The following TMEM221 variants were observed in gnomAD, a reference collection of about 807,000 sequenced individuals.
TMEM221 encodes the protein transmembrane protein 221, also known as Putative transmembrane protein ENSP00000342162.
A neutral mutation model predicts 10.2 loss-of-function variants in TMEM221; 11 were observed. The ratio of observed to expected loss-of-function variants is 1.08; its 90% CI spans 0.68 to 1.79. The LOEUF is 1.79. Among genes scored for constraint, TMEM221 ranks in the 40% most tolerant of loss-of-function variants. TMEM221 has a pLI of 0.00. For missense variants in TMEM221, 382 were observed against 417.7 expected (o/e 0.91, Z 0.75); for synonymous variants, 172 against 199.8 (o/e 0.86, Z 1.18).
At chr19:17,446,519 A>G (rs889862739) in intron 1 of TMEM221, among the ~76,000 whole-genome samples, 4 of 152,076 alleles carry the variant, frequency 2.6e-5, no homozygotes, top group Admixed American at 6.6e-5. Context: ...GTATAATGAA[A>G]GTGGACGCCT....
chr19:17,437,338 T>G (rs1031631175), intron 2 of TMEM221, among the ~76,000 whole-genome samples: 2 of 152,160 alleles, frequency 1.3e-5, no homozygotes, highest in African/African-American at 2.4e-5. Flanking sequence ...CAGCAGTTTT[T>G]GGGAGAGCTG....
chr19:17,436,989 G>A, intron 2 of TMEM221, 62 bp from the exon 3 acceptor site: 1 of 1,282,998 alleles, frequency 7.8e-7, no homozygotes, highest in Non-Finnish European at 1.0e-6. Context: ...AAGCCCTCAG[G>A]GAGTTCTTGC....
chr19:17,436,315 G>A lies in TMEM221; in HGVS notation c.*143C>T, dbSNP rs1437411723. The A allele has an allele frequency of 2.5e-6, 2 of 804,768 alleles. No homozygotes were observed. The highest frequency in any genetic ancestry group is 3.7e-6 in the Non-Finnish European group (2 of 539,564). The allele number at this position is 804,768 out of a possible 1,614,324, so 49.9% of individuals were successfully genotyped here. A position where few individuals can be genotyped will look rare whatever the true frequency, so the allele number is the denominator to read the frequency against. On this transcript the variant is annotated 3_prime_UTR_variant, in exon 3 of 3. Coordinates refer to ENST00000341130, the MANE Select transcript of TMEM221 (RefSeq NM_001190844.2). ...GCTGGAGCTCTGGCAATTATTTTGT[G>A]CCACGAGGCAACCTTGAGGACAAAA...
chr19:17,442,935 A>G (rs2074937661), intron 2 of TMEM221, among the ~76,000 whole-genome samples: 1 of 152,036 alleles, frequency 6.6e-6, no homozygotes, highest in South Asian at 2.1e-4. Context: ...ATAAATTCCC[A>G]CAGTGAGCCT....
At chr19:17,441,809 T>C (rs2074933069) in intron 2 of TMEM221, among the ~76,000 whole-genome samples, 1 of 150,652 alleles carries the variant, frequency 6.6e-6, no homozygotes, top group South Asian at 2.1e-4. Flanking sequence ...ATGTCCCACA[T>C]GTGAAAGCAA....
In TMEM221 at chr19:17,441,770, T is replaced by C. The variant is rs901996866; in HGVS notation, c.406+3429A>G. 1.2e-4 allele frequency among the ~76,000 whole-genome samples: 19 copies of C among 152,118 alleles called. No homozygotes were observed. In the East Asian group the frequency reaches 3.7e-3, roughly 29 times the overall value. On this transcript the variant is annotated intron_variant, in intron 2 of 2. Transcript: ENST00000341130. Reference sequence around the variant, plus strand: ...TTATACGCGTTCTCTGGCTCTGTACTATTGCTTTGGAAGATATCACACTGC... The same window carrying C: ...TTATACGCGTTCTCTGGCTCTGTACCATTGCTTTGGAAGATATCACACTGC...
intron 2 of TMEM221, among the ~76,000 whole-genome samples, chr19:17,439,494 C>T (rs1009881667): frequency 6.6e-6 from 1 of 151,700 alleles, no homozygotes; most frequent in Non-Finnish European, 1.5e-5. Flanking sequence ...TGGAGACCAG[C>T]CTGGCCAACA....
chr19:17,439,185 T>A (rs983680281), intron 2 of TMEM221, among the ~76,000 whole-genome samples: 4 of 129,948 alleles, frequency 3.1e-5, no homozygotes, highest in Non-Finnish European at 4.8e-5. Flanking sequence ...CCAGCCTGGG[T>A]GACAGAGCGA....
At position 17,436,536 on chromosome 19, in the gene TMEM221, C is replaced by T; in HGVS notation, c.798G>A (p.Trp266Ter). The change falls in exon 3 of 3, where the codon TGG becomes TGA. Residue 266 changes from tryptophan to a stop codon, truncating the protein, a stop_gained. Transcript: ENST00000341130. LOFTEE classifies it high-confidence loss of function. ...HRTLSAGLGH[W>*]DGVTHEMRRM... ...GACGCATCTCGTGCGTAACCCCGTCCCAGTGCCCCAGGCCAGCCGACAGTG... is the reference window on the plus strand; with the variant it reads ...GACGCATCTCGTGCGTAACCCCGTCTCAGTGCCCCAGGCCAGCCGACAGTG... 6.5e-7 allele frequency: 1 copy of T among 1,536,034 alleles called. No individual in the cohort carries two copies. Among genetic ancestry groups the T allele is most frequent in the Non-Finnish European group, 8.7e-7 (1 of 1,146,844 alleles).
At position 17,448,378 on chromosome 19, in the gene TMEM221, GCGCGCCCAGCGCCGCCAGCA is replaced by G. The variant is rs2074961531; in HGVS notation, c.65_84del (p.Val22AlafsTer81). ...CCCGCCTGCAGCTGAAACAGCAGCT[GCGCGCCCAGCGCCGCCAGCA>G]CGGCCGCCGCGATGCCCAGCAGGGT... On this transcript the variant is annotated frameshift_variant, in exon 1 of 3. Coordinates refer to ENST00000341130, the MANE Select transcript of TMEM221 (RefSeq NM_001190844.2). LOFTEE classifies it high-confidence loss of function. This position sits in a 1 kb window ranked among gnomAD's most constrained non-coding sequence, Gnocchi z 4.7. The G allele has an allele frequency of 7.0e-7, 1 of 1,436,278 alleles. No individual in the cohort carries two copies. Among genetic ancestry groups the G allele is most frequent in the South Asian group, 1.4e-5 (1 of 73,536 alleles). 89.0% of individuals were successfully genotyped at this position (1,436,278 alleles called of 1,614,324 possible).
chr19:17,448,455 C>T lies in TMEM221; in HGVS notation c.8G>A (p.Arg3His), dbSNP rs938345599. 2 of 1,473,208 alleles carry T rather than the reference C, an allele frequency of 1.4e-6. No individual in the cohort carries two copies. The highest frequency in any genetic ancestry group is 2.4e-5 in the Admixed American group (1 of 42,220). The allele number at this position is 1,473,208 out of a possible 1,614,324, so 91.3% of individuals were successfully genotyped here. The change falls in exon 1 of 3, where the codon CGT (arginine) becomes CAT (histidine). Residue 3 changes from arginine to histidine, a missense_variant. Coordinates refer to ENST00000341130, the MANE Select transcript of TMEM221 (RefSeq NM_001190844.2). The surrounding 1 kb of genome is among the most constrained non-coding windows in gnomAD (Gnocchi z 4.7). ...AGCCAGCACCCGGCCGCCGTAAGAA[C>T]GGGCCATGGCGGGGGTTCCTGCGGG... MA[R>H]SYGGRVLAAM...
chr19:17,447,671 A>G (rs1439440272), intron 1 of TMEM221, among the ~76,000 whole-genome samples: 1 of 152,144 alleles, frequency 6.6e-6, no homozygotes, highest in Non-Finnish European at 1.5e-5. Flanking sequence ...TGCCCCTGAT[A>G]GGGGTCCCTC....
chr19:17,446,275 T>C (rs1300922951), intron 1 of TMEM221, among the ~76,000 whole-genome samples: 1 of 152,096 alleles, frequency 6.6e-6, no homozygotes, highest in East Asian at 1.9e-4. Context: ...CTATAACCCA[T>C]CTATATGCAT....
Position 17,436,640 on chromosome 19 carries a change from A to G in TMEM221, c.694T>C (p.Ser232Pro). 1 of 1,536,000 alleles carries G rather than the reference A, an allele frequency of 6.5e-7. No homozygotes were observed. The highest frequency in any genetic ancestry group is 8.7e-7 in the Non-Finnish European group (1 of 1,146,834). ...GCAGGTGCTGTGGCAGTGGCCATGG[A>G]CCCAAAGGGGTCCCCAGGCTCTGGA... ...TCPEPGDPFGSMATATAPAAL... is the reference protein window; with the variant it reads ...TCPEPGDPFGPMATATAPAAL... Residue 232 changes from serine (S) to proline (P), a missense_variant, in exon 3 of 3, where the codon TCC (serine) becomes CCC (proline). Ser to Pro is a moderately conservative substitution (Grantham distance 74). Transcript: ENST00000341130.
At chr19:17,441,497 A>G (rs11667945) in intron 2 of TMEM221, among the ~76,000 whole-genome samples, 52,035 of 152,054 alleles carry the variant, frequency 0.34, 9,334 homozygotes, top group South Asian at 0.39. Flanking sequence ...GGGATCACTA[A>G]GCCACTTTGG....
At chr19:17,446,127 A>T (rs903973405) in intron 1 of TMEM221, among the ~76,000 whole-genome samples, 3 of 150,414 alleles carry the variant, frequency 2.0e-5, no homozygotes, top group Non-Finnish European at 4.4e-5. Flanking sequence ...CTATCTATCC[A>T]TCCCTCACCC....
intron 2 of TMEM221, among the ~76,000 whole-genome samples, chr19:17,440,695 C>G (rs1189674406): frequency 1.3e-5 from 2 of 152,128 alleles, no homozygotes; most frequent in African/African-American, 4.8e-5. Flanking sequence ...AAGACCCTGT[C>G]TCTAAACAAA....
At chr19:17,444,784 A>T (rs892139777) in intron 2 of TMEM221, 4 of 125,708 alleles carry the variant, frequency 3.2e-5, no homozygotes, top group East Asian at 2.0e-4. Flanking sequence ...TTATATATTT[A>T]ATAAATATAT....
chr19:17,443,891 C>T (rs1363210717), intron 2 of TMEM221, among the ~76,000 whole-genome samples: 1 of 151,536 alleles, frequency 6.6e-6, no homozygotes, highest in African/African-American at 2.4e-5. Context: ...TTTACCAGCC[C>T]GGATGGATGA....
Sources: gnomAD v4.1 joint callset for allele counts (sites outside exome capture counted in the v4.1 genomes callset) on GRCh38, gnomAD v4.1.1 for gene constraint, Gnocchi (gnomAD v3.1) non-coding constraint, MANE v1.5 for transcripts, NCBI Gene and HGNC (gene_info 2026-07-23, HGNC 2026-07-21) for gene names.